RPL6: variants seen among roughly 807,000 people sequenced by gnomAD.
The protein encoded by RPL6 is large ribosomal subunit protein eL6.
RPL6 carries 1 observed loss-of-function variant against 32.1 expected under a neutral mutation model. That is an observed-to-expected ratio of 0.03 (90% CI 0.01 to 0.15). RPL6 has a LOEUF of 0.15. Ranked by LOEUF, RPL6 falls within the 10% of genes least tolerant of loss-of-function variation. The pLI is 1.00. For synonymous variants in RPL6, 126 were observed against 131.6 expected (o/e 0.96, Z 0.29); for missense variants, 275 against 354.6 (o/e 0.78, Z 1.80).
At chr12:112,413,482 G>A (rs1476120615), upstream of RPL6, among the ~76,000 whole-genome samples, 1 of 152,218 alleles carries the variant, frequency 6.6e-6, no homozygotes, top group East Asian at 1.9e-4. Flanking sequence ...AGTTTGCAGT[G>A]AGCCGAGATT....
chr12:112,406,582 T>C (rs766446389), intron 4 of RPL6, 165 bp downstream of exon 4: 5 of 982,918 alleles, frequency 5.1e-6, no homozygotes, highest in East Asian at 2.6e-5. Context: ...TAAATCACCA[T>C]GGATTACACT....
upstream of RPL6, among the ~76,000 whole-genome samples, chr12:112,409,911 C>T (rs945291159): frequency 4.7e-5 from 7 of 150,124 alleles, no homozygotes; most frequent in Admixed American, 2.7e-4. Flanking sequence ...AGTCGAGGCG[C>T]GGAGGCAGGA....
chr12:112,414,098 T>C (rs530556012), upstream of RPL6, among the ~76,000 whole-genome samples: 15 of 152,360 alleles, frequency 9.8e-5, no homozygotes, highest in Admixed American at 5.9e-4. Flanking sequence ...CTTGCATGAC[T>C]GTTTTCCAGG....
chr12:112,406,499 T>C (rs1370289957), intron 4 of RPL6, 157 bp from the exon 5 acceptor site: 8 of 781,824 alleles, frequency 1.0e-5, no homozygotes, highest in South Asian at 1.8e-5. Flanking sequence ...GCTACTAAGG[T>C]AGTACTCCAG....
intron 3 of RPL6, 53 bp from the exon 4 acceptor site, chr12:112,406,943 G>T (rs2037188604): frequency 1.3e-6 from 2 of 1,596,216 alleles, no homozygotes; most frequent in Non-Finnish European, 1.7e-6. Context: ...CAGATTACTA[G>T]AAGCAAGCTA....
intron 6 of RPL6, 59 bp from the exon 7 acceptor site, chr12:112,405,435 C>A: frequency 6.5e-7 from 1 of 1,540,370 alleles, no homozygotes; most frequent in South Asian, 1.2e-5. Context: ...ACTTGTAGGT[C>A]AACTAAGGAG....
chr12:112,408,215 C>T (rs750028774), intron 3 of RPL6, 25 bp downstream of exon 3: 1 of 1,565,446 alleles, frequency 6.4e-7, no homozygotes. Context: ...AACAGAAAAT[C>T]CAATTTACAG....
intron 1 of RPL6, among the ~76,000 whole-genome samples, chr12:112,416,502 C>A (rs1395088927): frequency 6.6e-6 from 1 of 152,036 alleles, no homozygotes; most frequent in Non-Finnish European, 1.5e-5. Flanking sequence ...TCTCAAACTC[C>A]TGACCTCAGG....
chr12:112,406,599 T>A, intron 4 of RPL6, 148 bp downstream of exon 4: 1 of 1,108,942 alleles, frequency 9.0e-7, no homozygotes, highest in Non-Finnish European at 1.3e-6. Context: ...CACTTCTTAT[T>A]TGCAACAACT....
At chr12:112,408,730 T>C in intron 1 of RPL6, 74 bp from the exon 2 acceptor site, 1 of 1,310,206 alleles carries the variant, frequency 7.6e-7, no homozygotes, top group South Asian at 1.4e-5. Context: ...AATGAACCTG[T>C]ACATGAATGG....
intron 3 of RPL6, 87 bp from the exon 4 acceptor site, chr12:112,406,977 C>A: frequency 7.3e-7 from 1 of 1,361,170 alleles, no homozygotes; most frequent in Non-Finnish European, 1.0e-6. Flanking sequence ...TTTGCTACAG[C>A]CTTTTTATTT....
At chr12:112,407,147 T>C (rs1412672300) in intron 3 of RPL6, 6 of 381,304 alleles carry the variant, frequency 1.6e-5, no homozygotes, top group Non-Finnish European at 2.9e-5. Context: ...AAGTCACCTT[T>C]GCAATCTTGA....
intron 1 of RPL6, among the ~76,000 whole-genome samples, chr12:112,417,900 C>T (rs551616996): frequency 2.6e-5 from 4 of 152,076 alleles, no homozygotes; most frequent in South Asian, 2.1e-4. Context: ...TCAAGCGATT[C>T]GCCCGCCTCA....
Position 112,405,198 on chromosome 12 carries a change from G to A in RPL6, c.*26C>T, listed in dbSNP as rs1383848950. ...AAAAAAGAGACACAAAATGTAGTCA[G>A]CTATTTAATTAGGTTCTTAAGACAT... is the stretch of plus-strand genomic sequence containing the variant. On this transcript the variant is annotated 3_prime_UTR_variant, in exon 7 of 7. Coordinates refer to ENST00000202773, the MANE Select transcript of RPL6 (RefSeq NM_000970.6). The A allele has an allele frequency of 1.3e-6, 2 of 1,549,022 alleles. No homozygotes were observed. Among genetic ancestry groups the A allele is most frequent in the Non-Finnish European group, 1.7e-6 (2 of 1,152,378 alleles).
At chr12:112,412,151 T>C (rs2037348389), upstream of RPL6, among the ~76,000 whole-genome samples, 1 of 152,108 alleles carries the variant, frequency 6.6e-6, no homozygotes, top group South Asian at 2.1e-4. Flanking sequence ...GCCATTCTCC[T>C]GCCTCAGCCT....
intron 1 of RPL6, 139 bp downstream of exon 1, chr12:112,409,448 T>C (rs905143372): frequency 3.8e-5 from 15 of 398,532 alleles, no homozygotes; most frequent in African/African-American, 8.2e-5. Context: ...ACAACAAAAA[T>C]GAAGCGTCTG....
At chr12:112,416,528 G>A (rs1472704215) in intron 1 of RPL6, among the ~76,000 whole-genome samples, 1 of 151,946 alleles carries the variant, frequency 6.6e-6, no homozygotes, top group African/African-American at 2.4e-5. Flanking sequence ...CACCCACCTT[G>A]GCCTCCCAAA....
chr12:112,406,164 C>T, intron 5 of RPL6, 127 bp from the exon 6 acceptor site: 1 of 1,190,724 alleles, frequency 8.4e-7, no homozygotes, highest in South Asian at 1.4e-5. Flanking sequence ...GCACACAAGG[C>T]AATGAAATGG....
upstream of RPL6, among the ~76,000 whole-genome samples, chr12:112,410,821 C>T (rs1054834761): frequency 1.3e-5 from 2 of 151,824 alleles, no homozygotes; most frequent in Non-Finnish European, 2.9e-5. Flanking sequence ...GTAATCCACC[C>T]GCCTCAGCCT....
Sources: gnomAD v4.1 joint callset for allele counts (sites outside exome capture counted in the v4.1 genomes callset) on GRCh38, gnomAD v4.1.1 for gene constraint, MANE v1.5 for transcripts, NCBI Gene and HGNC (gene_info 2026-07-23, HGNC 2026-07-21) for gene names.